Variants in FGGY observed in about 807,000 individuals in gnomAD.
FGGY encodes the protein FGGY carbohydrate kinase domain containing.
A neutral mutation model predicts 71.3 loss-of-function variants in FGGY; 72 were observed. The observed-to-expected ratio is 1.01, with a 90% CI of 0.84 to 1.23. The LOEUF is 1.23. FGGY is among the 50% of genes most tolerant of loss of function. The probability of loss-of-function intolerance (pLI) is 0.00; values close to 1 mark genes in which losing one functional copy is unlikely to be tolerated. For missense variants in FGGY, 668 were observed against 682.3 expected (o/e 0.98, Z 0.23); for synonymous variants, 251 against 250.3 (o/e 1.00, Z -0.02).
At chr1:59,363,721 G>A (rs1276275545) in intron 4 of FGGY, among the ~76,000 whole-genome samples, 1 of 152,198 alleles carries the variant, frequency 6.6e-6, no homozygotes, top group Non-Finnish European at 1.5e-5. Flanking sequence ...GGTGTTGAGA[G>A]GTGAGGCTAA....
intron 5 of FGGY, among the ~76,000 whole-genome samples, chr1:59,438,957 A>G (rs1246153194): frequency 1.3e-5 from 2 of 152,122 alleles, no homozygotes; most frequent in East Asian, 3.8e-4. Context: ...ATCTTTGTCT[A>G]TAATGTTTAT....
At chr1:59,689,140 C>A (rs981731161) in intron 14 of FGGY, among the ~76,000 whole-genome samples, 1 of 152,072 alleles carries the variant, frequency 6.6e-6, no homozygotes, top group Non-Finnish European at 1.5e-5. Flanking sequence ...TATAAAGTGA[C>A]CTGAAACCAG....
At chr1:59,680,107 A>G (rs943525374) in intron 14 of FGGY, among the ~76,000 whole-genome samples, 17 of 152,284 alleles carry the variant, frequency 1.1e-4, no homozygotes, top group African/African-American at 3.8e-4. Context: ...CATGGATTTT[A>G]GTTCCATTTT....
At chr1:59,303,415 G>T (rs1176080752) in intron 1 of FGGY, among the ~76,000 whole-genome samples, 1 of 152,048 alleles carries the variant, frequency 6.6e-6, no homozygotes, top group Non-Finnish European at 1.5e-5. Flanking sequence ...AAGTTCATCC[G>T]TATTGTGGCA....
chr1:59,457,168 G>T (rs1039814808), intron 6 of FGGY, 92 bp downstream of exon 6: 1 of 911,918 alleles, frequency 1.1e-6, no homozygotes, highest in Admixed American at 2.0e-5. Context: ...TCTTGTTTTT[G>T]TATGCATGAA....
intron 7 of FGGY, among the ~76,000 whole-genome samples, chr1:59,531,226 A>G (rs1311765347): frequency 6.6e-6 from 1 of 152,004 alleles, no homozygotes; most frequent in Non-Finnish European, 1.5e-5. Context: ...TTTAAACCTC[A>G]CTTTTTTATA....
At chr1:59,590,518 A>G (rs2153788458) in intron 8 of FGGY, among the ~76,000 whole-genome samples, 1 of 152,296 alleles carries the variant, frequency 6.6e-6, no homozygotes, top group East Asian at 1.9e-4. Flanking sequence ...TCCTTGATGA[A>G]CATTGATGCA....
intron 8 of FGGY, among the ~76,000 whole-genome samples, chr1:59,591,469 C>T (rs2096435251): frequency 6.6e-6 from 1 of 151,628 alleles, no homozygotes; most frequent in Admixed American, 6.6e-5. Flanking sequence ...CAAAAAAGAG[C>T]CCGCATCGCC....
chr1:59,569,636 T>A (rs973647526), intron 8 of FGGY, among the ~76,000 whole-genome samples: 4 of 152,168 alleles, frequency 2.6e-5, no homozygotes, highest in Non-Finnish European at 1.5e-5. Flanking sequence ...GTGGTTCTGA[T>A]TGCTTAATAG....
Position 59,674,525 on chromosome 1 carries a change from G to A in FGGY, c.1512+392G>A, listed in dbSNP as rs1298498374. On this transcript the variant is annotated intron_variant, in intron 14 of 15. Transcript: ENST00000303721. Reference sequence around the variant, plus strand: ...TCACCATTTTCTAAATACCTTGAAGGCCTCTATCAACAAGAGACACAAATG... The same window carrying A: ...TCACCATTTTCTAAATACCTTGAAGACCTCTATCAACAAGAGACACAAATG... Among the ~76,000 whole-genome samples the A allele has an allele frequency of 3.3e-5, 5 of 152,112 alleles. No individual in the cohort carries two copies. The East Asian group carries it at 5.8e-4, about 18-fold the overall frequency.
intron 14 of FGGY, among the ~76,000 whole-genome samples, chr1:59,732,866 C>G (rs896511124): frequency 1.3e-5 from 2 of 152,126 alleles, no homozygotes; most frequent in African/African-American, 4.8e-5. Flanking sequence ...GAGCTTCCAC[C>G]ATGGAATTTA....
chr1:59,317,736 A>G (rs74722017), intron 1 of FGGY, among the ~76,000 whole-genome samples: 2,796 of 152,348 alleles, frequency 0.018, 92 homozygotes, highest in African/African-American at 0.064. Context: ...CACAGAGATC[A>G]GTTAAAACTA....
At position 59,346,127 on chromosome 1, in the gene FGGY, C is replaced by G. The variant is rs1028024683; in HGVS notation, c.314-120C>G. The G allele has an allele frequency of 7.6e-6, 10 of 1,321,792 alleles. No homozygotes were observed. The East Asian group carries it at 2.2e-4, about 29-fold the overall frequency. The allele number at this position is 1,321,792 out of a possible 1,614,324, so 81.9% of individuals were successfully genotyped here. ...CTGGTGTCCTTTCATTTTGCACACTCTTGATACATAAAATTATAGAAAGTA... is the reference window on the plus strand; with the variant it reads ...CTGGTGTCCTTTCATTTTGCACACTGTTGATACATAAAATTATAGAAAGTA... On this transcript the variant is annotated intron_variant, in intron 3 of 15. Coordinates refer to ENST00000303721, the MANE Select transcript of FGGY (RefSeq NM_018291.5).
rs181442185 is a variant in FGGY, at chr1:59,736,697, C to T, written c.1513-21234C>T. On this transcript the variant is annotated intron_variant, in intron 14 of 15. Transcript: ENST00000303721. The stretch of plus-strand genomic sequence containing the variant: ...GAGGAGGTGACTTGGGTGCTGTTGA[C>T]GGCATTCAGTTTCAAAAGGAAAACG... Among the ~76,000 whole-genome samples, 308 of 152,254 alleles carry T rather than the reference C, an allele frequency of 2.0e-3. 2 individuals are homozygous for T. Among genetic ancestry groups the T allele is most frequent in the African/African-American group, 6.9e-3 (286 of 41,536 alleles).
chr1:59,585,013 T>A (rs2096259846), intron 8 of FGGY, among the ~76,000 whole-genome samples: 1 of 151,994 alleles, frequency 6.6e-6, no homozygotes. Flanking sequence ...CTCAATGAAA[T>A]AAAAGAGGAT....
intron 8 of FGGY, among the ~76,000 whole-genome samples, chr1:59,587,306 TG>T (rs1471585155): frequency 1.3e-5 from 2 of 151,984 alleles, no homozygotes; most frequent in African/African-American, 4.8e-5. Context: ...TCGAACTGGG[TG>T]GAGCCCACCA....
intron 6 of FGGY, among the ~76,000 whole-genome samples, chr1:59,482,568 ATATGTGTGTG>A (rs1334493954): frequency 9.1e-6 from 1 of 109,320 alleles, no homozygotes. Flanking sequence ...ATGTGTATAT[ATATGTGTGTG>A]TGTGTGTGTG....
At chr1:59,682,017 A>C (rs919692226) in intron 14 of FGGY, among the ~76,000 whole-genome samples, 35 of 152,232 alleles carry the variant, frequency 2.3e-4, no homozygotes, top group Non-Finnish European at 4.1e-4. Flanking sequence ...GTGGGATCAG[A>C]ATCTTGAGTA....
chr1:59,695,930 A>C (rs1398388258), intron 14 of FGGY, among the ~76,000 whole-genome samples: 5 of 152,204 alleles, frequency 3.3e-5, no homozygotes, highest in Admixed American at 6.5e-5. Flanking sequence ...TTGTCAGAGA[A>C]AACTTTGAGC....
Sources: allele counts gnomAD v4.1 joint callset (sites outside exome capture counted in the v4.1 genomes callset), GRCh38; gene constraint gnomAD v4.1.1; transcripts MANE v1.5; gene names NCBI Gene and HGNC (gene_info 2026-07-23, HGNC 2026-07-21).